PPP1R1C: variants seen among roughly 807,000 people sequenced by gnomAD.
The protein encoded by PPP1R1C is protein phosphatase 1 regulatory subunit 1C.
A neutral mutation model predicts 17.4 loss-of-function variants in PPP1R1C; 15 were observed. The observed-to-expected ratio is 0.86, with a 90% CI of 0.58 to 1.33. PPP1R1C has a LOEUF of 1.33. PPP1R1C is among the 40% of genes most tolerant of loss of function. The probability of loss-of-function intolerance (pLI) is 0.00; values close to 1 mark genes in which losing one functional copy is unlikely to be tolerated. For missense variants in PPP1R1C, 143 were observed against 130.0 expected (o/e 1.10, Z -0.48); for synonymous variants, 35 against 43.1 (o/e 0.81, Z 0.73).
intron 4 of PPP1R1C, among the ~76,000 whole-genome samples, chr2:182,085,261 T>G (rs1574439411): frequency 2.0e-5 from 3 of 152,144 alleles, no homozygotes; most frequent in Admixed American, 2.0e-4. Flanking sequence ...TTCTTTCCCT[T>G]ATCTAATTGC....
intron 2 of PPP1R1C, among the ~76,000 whole-genome samples, chr2:182,016,513 T>C (rs539451484): frequency 3.1e-4 from 47 of 152,338 alleles, no homozygotes; most frequent in African/African-American, 8.9e-4. Flanking sequence ...AGTGTAGTAT[T>C]ATTCACTTTA....
upstream of PPP1R1C, among the ~76,000 whole-genome samples, chr2:181,985,363 C>A (rs1031559485): frequency 6.6e-6 from 1 of 152,176 alleles, no homozygotes; most frequent in Non-Finnish European, 1.5e-5. The surrounding 1 kb of genome is among the most constrained non-coding windows in gnomAD (Gnocchi z 4.1). Flanking sequence ...GGCCACAGAG[C>A]TTGTTAATTA....
At chr2:182,128,837 T>C (rs906000225) in intron 5 of PPP1R1C, 1 of 152,144 alleles carries the variant, frequency 6.6e-6, no homozygotes, top group Non-Finnish European at 1.5e-5. Flanking sequence ...TAATTGACTC[T>C]ATCCTAGCAT....
At chr2:182,024,995 G>A (rs1190932107) in intron 2 of PPP1R1C, among the ~76,000 whole-genome samples, 2 of 145,828 alleles carry the variant, frequency 1.4e-5, no homozygotes, top group Admixed American at 1.4e-4. Context: ...ATTTGGGTGA[G>A]GAATATACAC....
At position 181,962,264 on chromosome 2, in the gene PPP1R1C, G is replaced by A. The variant is rs1684811943; in HGVS notation, n.111+7630G>A. ...CTTATTCTGGATGCCTCCCATTCCT[G>A]CCAGACCCCCGGCCATCCCCGCGGC... On this transcript the variant is annotated intron_variant and non_coding_transcript_variant, in intron 1 of 5. Coordinates refer to the PPP1R1C transcript ENST00000464264. This position sits in a 1 kb window ranked among gnomAD's most constrained non-coding sequence, Gnocchi z 6.0. 4.1e-6 allele frequency: 3 copies of A among 737,778 alleles called. No individual in the cohort carries two copies. The allele number at this position is 737,778 out of a possible 1,614,324, so 45.7% of individuals were successfully genotyped here.
At position 181,962,177 on chromosome 2, in the gene PPP1R1C, A is replaced by G; in HGVS notation, n.111+7543A>G. On this transcript the variant is annotated intron_variant and non_coding_transcript_variant, in intron 1 of 5. Transcript: ENST00000464264. This position sits in a 1 kb window ranked among gnomAD's most constrained non-coding sequence, Gnocchi z 6.0. The stretch of plus-strand genomic sequence containing the variant: ...CTCCAGCTTCCGGTTCTTGGTCTCC[A>G]GGCTCCTCACTCTGTCCAGGTAGGA... 3 of 741,768 alleles carry G rather than the reference A, an allele frequency of 4.0e-6. No individual in the cohort carries two copies. In the South Asian group the frequency reaches 4.1e-5, roughly 10 times the overall value. The allele number at this position is 741,768 out of a possible 1,614,324, so 45.9% of individuals were successfully genotyped here.
chr2:182,058,691 T>C (rs1340383451), intron 2 of PPP1R1C, among the ~76,000 whole-genome samples: 1 of 152,152 alleles, frequency 6.6e-6, no homozygotes, highest in Non-Finnish European at 1.5e-5. Flanking sequence ...GGCTTAAGTG[T>C]GGTCACGACA....
intron 2 of PPP1R1C, among the ~76,000 whole-genome samples, chr2:182,011,295 C>T (rs1686082220): frequency 6.6e-6 from 1 of 151,960 alleles, no homozygotes; most frequent in East Asian, 1.9e-4. Flanking sequence ...ATCTCATTAC[C>T]TGCTATTGCT....
At chr2:182,115,922 T>TA (rs1689567395) in intron 4 of PPP1R1C, among the ~76,000 whole-genome samples, 2 of 152,230 alleles carry the variant, frequency 1.3e-5, no homozygotes, top group South Asian at 4.1e-4. Context: ...TAGTAATACT[T>TA]AAAAAATCTA....
intron 4 of PPP1R1C, among the ~76,000 whole-genome samples, chr2:182,108,903 T>C (rs561840630): frequency 6.6e-6 from 1 of 152,198 alleles, no homozygotes; most frequent in African/African-American, 2.4e-5. Context: ...ATTTCTGGAT[T>C]GTATAGTATG....
At chr2:182,057,906 A>G (rs1687735238) in intron 2 of PPP1R1C, among the ~76,000 whole-genome samples, 1 of 151,968 alleles carries the variant, frequency 6.6e-6, no homozygotes, top group Non-Finnish European at 1.5e-5. Flanking sequence ...GTGATTTTTT[A>G]TTTTTCAAGT....
intron 4 of PPP1R1C, among the ~76,000 whole-genome samples, chr2:182,084,118 GT>G (rs570401009): frequency 7.3e-5 from 11 of 150,616 alleles, no homozygotes; most frequent in South Asian, 2.1e-4. Context: ...GATTATTTGT[GT>G]TTTTTTTTAT....
chr2:181,983,473 T>C (rs1685229212), upstream of PPP1R1C, among the ~76,000 whole-genome samples: 1 of 152,158 alleles, frequency 6.6e-6, no homozygotes, highest in South Asian at 2.1e-4. Context: ...CTAATAGGGA[T>C]AAAAAAATGT....
At chr2:182,018,110 A>T (rs1686312243) in intron 2 of PPP1R1C, among the ~76,000 whole-genome samples, 1 of 152,192 alleles carries the variant, frequency 6.6e-6, no homozygotes, top group Non-Finnish European at 1.5e-5. Context: ...TAAAGCAAAA[A>T]ATGGACAGTA....
intron 2 of PPP1R1C, among the ~76,000 whole-genome samples, chr2:182,045,074 T>C (rs1319344236): frequency 2.6e-5 from 4 of 152,216 alleles, no homozygotes; most frequent in African/African-American, 9.6e-5. Flanking sequence ...TTCACAGTTC[T>C]TCCATATAGC....
At chr2:182,076,067 A>C (rs953430041) in intron 4 of PPP1R1C, among the ~76,000 whole-genome samples, 1 of 151,390 alleles carries the variant, frequency 6.6e-6, no homozygotes, top group South Asian at 2.1e-4. Flanking sequence ...CCCACAGCTT[A>C]TTATGTTGAT....
At chr2:182,024,363 T>C (rs1686525893) in intron 2 of PPP1R1C, among the ~76,000 whole-genome samples, 1 of 152,170 alleles carries the variant, frequency 6.6e-6, no homozygotes, top group Non-Finnish European at 1.5e-5. Context: ...CAAAAACAGT[T>C]TGAGGACAAA....
intron 4 of PPP1R1C, among the ~76,000 whole-genome samples, chr2:182,072,630 T>C (rs1688173478): frequency 2.6e-5 from 4 of 152,166 alleles, no homozygotes; most frequent in African/African-American, 9.7e-5. Context: ...GCAACGGGCC[T>C]CATTTTTTCC....
intron 2 of PPP1R1C, among the ~76,000 whole-genome samples, chr2:182,045,599 G>T (rs7589699): frequency 0.66 from 99,916 of 151,854 alleles, 33,790 homozygotes; most frequent in Non-Finnish European, 0.74. Context: ...AAAAATAAAA[G>T]TTTTCCTCTT....
Sources: allele counts gnomAD v4.1 joint callset (sites outside exome capture counted in the v4.1 genomes callset), GRCh38; gene constraint gnomAD v4.1.1; non-coding constraint Gnocchi (gnomAD v3.1); transcripts MANE v1.5; gene names NCBI Gene and HGNC (gene_info 2026-07-23, HGNC 2026-07-21).